Variants in FRY observed in about 807,000 individuals in gnomAD.
The protein encoded by FRY is protein furry homolog.
FRY carries 128 observed loss-of-function variants against 348.4 expected under a neutral mutation model. The observed-to-expected ratio is 0.37, with a 90% confidence interval of 0.32 to 0.43. The LOEUF is 0.43. FRY is among the 20% of genes least tolerant of loss of function. FRY has a pLI of 1.00. For synonymous variants in FRY, 1,370 were observed against 1,374.7 expected, an observed-to-expected ratio of 1.00 and a Z score of 0.08; for missense variants, 2,736 against 3,695.2, an observed-to-expected ratio of 0.74 and a Z score of 6.73.
In FRY at chr13:32,237,648, G is replaced by A. The variant is rs751170966; in HGVS notation, c.6080G>A (p.Ser2027Asn). The change falls in exon 44 of 61, where the codon AGT becomes AAT. Residue 2027 changes from serine (S) to asparagine (N), a missense_variant. By Grantham distance (46) the Ser-to-Asn change is conservative. Transcript: ENST00000542859. The surrounding 1 kb of genome is among the most constrained non-coding windows in gnomAD (Gnocchi z 6.3). ...AGAAGCTCATCCTCCTTGAAGGACAGTCTCACGGACCCATCCCACATAAAC... is the reference window on the plus strand; with the variant it reads ...AGAAGCTCATCCTCCTTGAAGGACAATCTCACGGACCCATCCCACATAAAC... ...KTRSSSSLKDSLTDPSHINHP... is the reference protein window; with the variant it reads ...KTRSSSSLKDNLTDPSHINHP... 6.2e-7 allele frequency: 1 copy of A among 1,614,006 alleles called. No individual in the cohort carries two copies. The highest frequency in any genetic ancestry group is 1.3e-5 in the African/African-American group (1 of 74,930).
intron 13 of FRY, among the ~76,000 whole-genome samples, chr13:32,148,158 T>A (rs1880570714): frequency 6.6e-6 from 1 of 152,226 alleles, no homozygotes; most frequent in Non-Finnish European, 1.5e-5. Context: ...CAGCATCTGA[T>A]AAATGAAGAA....
At chr13:32,073,816 C>T (rs1050792615) in intron 1 of FRY, among the ~76,000 whole-genome samples, 7 of 152,184 alleles carry the variant, frequency 4.6e-5, no homozygotes, top group African/African-American at 9.7e-5. Flanking sequence ...GTAACATCTA[C>T]GCCACCATTA....
At chr13:32,167,242 A>G (rs1292216852) in intron 17 of FRY, among the ~76,000 whole-genome samples, 1 of 152,200 alleles carries the variant, frequency 6.6e-6, no homozygotes, top group African/African-American at 2.4e-5. Flanking sequence ...GTGTCACAAA[A>G]TGAGTGGCCT....
intron 20 of FRY, among the ~76,000 whole-genome samples, chr13:32,177,285 G>A (rs1882421722): frequency 6.6e-6 from 1 of 151,988 alleles, no homozygotes; most frequent in African/African-American, 2.4e-5. Context: ...GCTATCATAG[G>A]GCAAGAATAT....
intron 1 of FRY, among the ~76,000 whole-genome samples, chr13:32,047,587 G>GC (rs1334279675): frequency 2.0e-5 from 3 of 147,494 alleles, no homozygotes; most frequent in East Asian, 2.0e-4. Context: ...TTTTTGGGGG[G>GC]GGTGCAGAGT....
In FRY at chr13:32,227,466, C is replaced by T. The variant is rs147769040; in HGVS notation, c.5207-990C>T. ...TATATCTATCAGACACACACCAGCA[C>T]TACATACTTTTTATGATTATTAAAT... On this transcript the variant is annotated intron_variant, in intron 39 of 60. Coordinates refer to ENST00000542859, the MANE Select transcript of FRY (RefSeq NM_023037.3). 2.6e-5 allele frequency among the ~76,000 whole-genome samples: 4 copies of T among 152,244 alleles called. No individual in the cohort carries two copies. In the East Asian group the frequency reaches 7.7e-4, roughly 29 times the overall value.
At chr13:32,275,085 A>C in intron 56 of FRY, 94 bp downstream of exon 56, 1 of 1,195,988 alleles carries the variant, frequency 8.4e-7, no homozygotes. Context: ...GTTTGTTTTA[A>C]AGATACCTTC....
At chr13:32,170,800 G>A (rs1882014803) in intron 17 of FRY, among the ~76,000 whole-genome samples, 1 of 152,122 alleles carries the variant, frequency 6.6e-6, no homozygotes, top group Admixed American at 6.5e-5. Context: ...GCCTCCCAAA[G>A]TGCTGGGATT....
At chr13:32,226,417 C>T (rs921339542) in intron 39 of FRY, among the ~76,000 whole-genome samples, 58 of 152,274 alleles carry the variant, frequency 3.8e-4, no homozygotes, top group African/African-American at 1.3e-3. Context: ...GAATGATTGA[C>T]CTTTTCCTTG....
At chr13:32,183,831 T>C (rs1196412695) in intron 24 of FRY, among the ~76,000 whole-genome samples, 2 of 140,986 alleles carry the variant, frequency 1.4e-5, no homozygotes, top group Non-Finnish European at 3.1e-5. Flanking sequence ...ATAGTAGCAA[T>C]GATACAAGAA....
At chr13:32,071,989 G>T (rs1276997389) in intron 1 of FRY, among the ~76,000 whole-genome samples, 1 of 152,218 alleles carries the variant, frequency 6.6e-6, no homozygotes, top group Non-Finnish European at 1.5e-5. Context: ...TCATGGGTCA[G>T]ATCCTGAGTT....
At position 32,178,275 on chromosome 13, in the gene FRY, T is replaced by A. The variant is rs960532716; in HGVS notation, c.2520T>A (p.His840Gln). The change falls in exon 21 of 61, where the codon CAT (histidine) becomes CAA (glutamine). Residue 840 changes from histidine (H) to glutamine (Q), a missense_variant. This residue lies in a region of FRY where 449 missense variants were observed against 576.9 expected (regional missense o/e 0.78). Coordinates refer to ENST00000542859, the MANE Select transcript of FRY (RefSeq NM_023037.3). The part of the protein sequence containing the change: ...NSHYDVKSPS[H>Q]VWIFAQSVKD... ...ATTATGATGTGAAAAGCCCTTCCCA[T>A]GTCTGGATATTTGCACAGTCTGTCA... 2.5e-6 allele frequency: 4 copies of A among 1,614,098 alleles called. No individual in the cohort carries two copies. The highest frequency in any genetic ancestry group is 3.4e-6 in the Non-Finnish European group (4 of 1,180,042).
At chr13:32,074,070 A>G (rs1874851871) in intron 1 of FRY, among the ~76,000 whole-genome samples, 2 of 152,242 alleles carry the variant, frequency 1.3e-5, no homozygotes, top group African/African-American at 4.8e-5. Flanking sequence ...GTTCAAAAAG[A>G]TCATCAGTCT....
chr13:32,186,239 T>C, intron 26 of FRY, 21 bp from the exon 27 acceptor site: 1 of 1,591,492 alleles, frequency 6.3e-7, no homozygotes, highest in Non-Finnish European at 8.6e-7. Context: ...TTATAACCTC[T>C]AAGTGTGTTT....
chr13:32,063,003 T>A (rs948381932), intron 1 of FRY, among the ~76,000 whole-genome samples: 1 of 152,114 alleles, frequency 6.6e-6, no homozygotes, highest in African/African-American at 2.4e-5. Flanking sequence ...ATGTATATTG[T>A]ACTTGTGTAT....
intron 11 of FRY, among the ~76,000 whole-genome samples, chr13:32,145,559 A>G (rs1880377316): frequency 1.8e-5 from 2 of 110,264 alleles, no homozygotes; most frequent in East Asian, 3.0e-4. Context: ...TTTTTTTGAG[A>G]CGGAGTCTCG....
intron 1 of FRY, among the ~76,000 whole-genome samples, chr13:32,032,076 A>G (rs1020411200): frequency 2.0e-5 from 3 of 147,882 alleles, no homozygotes; most frequent in African/African-American, 7.9e-5. Flanking sequence ...GAAAATCAAA[A>G]TGTCAGAGAC....
intron 39 of FRY, among the ~76,000 whole-genome samples, chr13:32,228,218 AAGC>A (rs775261563): frequency 2.4e-4 from 36 of 152,342 alleles, no homozygotes; most frequent in Admixed American, 2.3e-3. Flanking sequence ...GCAGAGTAGA[AAGC>A]AGCAGATCAC....
At position 32,249,606 on chromosome 13, in the gene FRY, C is replaced by G. The variant is rs770545320; in HGVS notation, c.7089C>G (p.Thr2363=). The change falls in exon 49 of 61, where the codon ACC becomes ACG. Residue 2363 remains threonine (T), a synonymous_variant. Transcript: ENST00000542859. ...GGAAGCCCAGGGCCATGGCCGTCAC[C>G]CGGAGCACATCTTCCACTTCCTCAG... ...RDGKPRAMAV[T]RSTSSTSSGS... The G allele has an allele frequency of 2.7e-5, 44 of 1,614,198 alleles. 1 individual carries two copies. The South Asian group carries it at 4.4e-4, about 16-fold the overall frequency.
Sources: gnomAD v4.1 joint callset for allele counts (sites outside exome capture counted in the v4.1 genomes callset) on GRCh38, gnomAD v4.1.1 for gene constraint, gnomAD v4.1.1 regional missense constraint, Gnocchi (gnomAD v3.1) non-coding constraint, MANE v1.5 for transcripts, NCBI Gene and HGNC (gene_info 2026-07-23, HGNC 2026-07-21) for gene names.